Variants in MACROD2 observed in about 807,000 individuals in gnomAD.
MACROD2 encodes the protein ADP-ribose glycohydrolase MACROD2.
Under a neutral mutation model 70.4 loss-of-function variants are expected in MACROD2, and 36 were observed. The ratio of observed to expected loss-of-function variants is 0.51; its 90% confidence interval spans 0.39 to 0.68. MACROD2 has a LOEUF of 0.68. Among genes scored for constraint, MACROD2 ranks in the 30% least tolerant of loss-of-function variants. The pLI is 0.00. For synonymous variants in MACROD2, 172 were observed against 178.8 expected, an observed-to-expected ratio of 0.96 and a Z score of 0.30; for missense variants, 496 against 538.4, an observed-to-expected ratio of 0.92 and a Z score of 0.78.
intron 5 of MACROD2, among the ~76,000 whole-genome samples, chr20:14,727,155 A>G (rs374975932): frequency 6.6e-6 from 1 of 152,294 alleles, no homozygotes; most frequent in East Asian, 1.9e-4. Context: ...TCTTACCAGT[A>G]AACTTCCATT....
chr20:14,455,964 T>TAAACAATC (rs1223409807), intron 3 of MACROD2, among the ~76,000 whole-genome samples: 1 of 151,748 alleles, frequency 6.6e-6, no homozygotes, highest in Non-Finnish European at 1.5e-5. Context: ...AACACTGGCT[T>TAAACAATC]AAACAATCAA....
intron 6 of MACROD2, among the ~76,000 whole-genome samples, chr20:15,353,924 T>C (rs2078256657): frequency 7.4e-6 from 1 of 135,868 alleles, no homozygotes; most frequent in South Asian, 2.6e-4. Context: ...AGTTCAACCA[T>C]TGTGGAAGTC....
Position 14,441,274 on chromosome 20 carries a change from C to T in MACROD2, c.272-52205C>T, listed in dbSNP as rs182521307. On this transcript the variant is annotated intron_variant, in intron 3 of 17. Transcript: ENST00000684519. The stretch of plus-strand genomic sequence containing the variant: ...GTCCAGCCTCCTGGAGGATGAGAGG[C>T]CATGCAGAGGAGAACTGAAGTGCTC... 1.7e-3 allele frequency among the ~76,000 whole-genome samples: 254 copies of T among 152,254 alleles called. 2 individuals carry two copies. Among genetic ancestry groups the T allele is most frequent in the African/African-American group, 6.0e-3 (251 of 41,554 alleles).
At position 14,270,317 on chromosome 20, in the gene MACROD2, C is replaced by T. The variant is rs2082180936; in HGVS notation, c.271+184589C>T. 1.3e-5 allele frequency among the ~76,000 whole-genome samples: 2 copies of T among 152,106 alleles called. 1 individual carries two copies. The highest frequency in any genetic ancestry group is 1.3e-4 in the Admixed American group (2 of 15,268). On this transcript the variant is annotated intron_variant, in intron 3 of 17. Transcript: ENST00000684519. ...ATTAGACTATGTCCTCTCAACCGGGCACAGTGGCTTATGCCTATAATCCCA... is the reference window on the plus strand; with the variant it reads ...ATTAGACTATGTCCTCTCAACCGGGTACAGTGGCTTATGCCTATAATCCCA...
chr20:15,266,732 G>A (rs916422909), intron 6 of MACROD2, among the ~76,000 whole-genome samples: 8 of 152,122 alleles, frequency 5.3e-5, no homozygotes, highest in African/African-American at 1.7e-4. Context: ...TGGCTTTCAA[G>A]ACCTCCCATG....
At chr20:15,092,966 C>T (rs566824593) in intron 5 of MACROD2, among the ~76,000 whole-genome samples, 2 of 152,208 alleles carry the variant, frequency 1.3e-5, no homozygotes, top group East Asian at 3.9e-4. Flanking sequence ...GTAAATATCA[C>T]TAGTTGGATA....
chr20:15,458,066 A>G (rs2046753776), intron 7 of MACROD2, among the ~76,000 whole-genome samples: 1 of 151,968 alleles, frequency 6.6e-6, no homozygotes, highest in South Asian at 2.1e-4. Flanking sequence ...TTCTAAACTC[A>G]ATTTCCAGTT....
chr20:15,366,273 C>T (rs2045408087), intron 6 of MACROD2, among the ~76,000 whole-genome samples: 1 of 152,008 alleles, frequency 6.6e-6, no homozygotes, highest in Non-Finnish European at 1.5e-5. Flanking sequence ...ATTTTTCCCC[C>T]CACTAGTATC....
At chr20:15,991,390 T>C (rs775051306) in intron 15 of MACROD2, among the ~76,000 whole-genome samples, 56 of 152,334 alleles carry the variant, frequency 3.7e-4, no homozygotes, top group Non-Finnish European at 7.2e-4. Context: ...CCATTTCTCA[T>C]AGGATTCTTA....
chr20:15,805,907 G>A (rs749304688), intron 8 of MACROD2, among the ~76,000 whole-genome samples: 1 of 152,220 alleles, frequency 6.6e-6, no homozygotes, highest in Admixed American at 6.5e-5. Context: ...GAGTATGGCA[G>A]TGCCCTTAGC....
At chr20:15,010,190 TA>T (rs1323889204) in intron 5 of MACROD2, among the ~76,000 whole-genome samples, 1 of 152,196 alleles carries the variant, frequency 6.6e-6, no homozygotes, top group East Asian at 1.9e-4. Context: ...TTTGTCGGAC[TA>T]AATAAATAGC....
intron 3 of MACROD2, among the ~76,000 whole-genome samples, chr20:14,235,225 C>T (rs1316836313): frequency 6.6e-6 from 1 of 152,142 alleles, no homozygotes; most frequent in African/African-American, 2.4e-5. Flanking sequence ...GTAGATTTAA[C>T]TTTGTAAAGC....
intron 5 of MACROD2, among the ~76,000 whole-genome samples, chr20:14,716,342 T>C (rs2071396892): frequency 6.6e-6 from 1 of 152,176 alleles, no homozygotes; most frequent in Non-Finnish European, 1.5e-5. Flanking sequence ...ATCAAAGCCC[T>C]TGCTTCCTTA....
chr20:14,513,188 A>G (rs2085050076), intron 4 of MACROD2, among the ~76,000 whole-genome samples: 1 of 152,180 alleles, frequency 6.6e-6, no homozygotes, highest in Non-Finnish European at 1.5e-5. Context: ...AATGAGAAAC[A>G]TCATTCCTTT....
At chr20:14,404,753 T>G (rs1434199342) in intron 3 of MACROD2, among the ~76,000 whole-genome samples, 2 of 152,006 alleles carry the variant, frequency 1.3e-5, no homozygotes, top group Admixed American at 1.3e-4. Context: ...CAGAAACCAG[T>G]GTGACAGCTA....
intron 3 of MACROD2, among the ~76,000 whole-genome samples, chr20:14,280,917 A>G (rs2082301378): frequency 6.6e-6 from 1 of 152,196 alleles, no homozygotes; most frequent in Non-Finnish European, 1.5e-5. Flanking sequence ...ACTGAAGGGA[A>G]AATTTTTATA....
chr20:15,235,763 A>G (rs1432599974), intron 6 of MACROD2, among the ~76,000 whole-genome samples: 2 of 152,208 alleles, frequency 1.3e-5, no homozygotes, highest in Non-Finnish European at 2.9e-5. Context: ...ATTCAAGAAC[A>G]CGTCTGCAGC....
At chr20:14,686,074 T>C (rs539134747) in intron 5 of MACROD2, among the ~76,000 whole-genome samples, 90 of 152,138 alleles carry the variant, frequency 5.9e-4, no homozygotes, top group African/African-American at 2.1e-3. Flanking sequence ...ATATTGTTCA[T>C]AATGGTTTCA....
At chr20:15,638,206 A>C (rs2049399750) in intron 8 of MACROD2, among the ~76,000 whole-genome samples, 1 of 152,224 alleles carries the variant, frequency 6.6e-6, no homozygotes, top group Admixed American at 6.5e-5. Context: ...TCCACATGGA[A>C]GCATGGCAAC....
Sources: allele counts gnomAD v4.1 joint callset (sites outside exome capture counted in the v4.1 genomes callset), GRCh38; gene constraint gnomAD v4.1.1; transcripts MANE v1.5; gene names NCBI Gene and HGNC (gene_info 2026-07-23, HGNC 2026-07-21).